Variants in PVT1 observed in about 807,000 individuals in gnomAD.
The protein encoded by PVT1 is CXCR4/PVT1 fusion.
chr8:127,887,931 GTTTTTTTTTTT>G (rs560976785), intron 2 of PVT1, among the ~76,000 whole-genome samples: 10 of 66,588 alleles, frequency 1.5e-4, no homozygotes, highest in Admixed American at 5.4e-4. Context: ...ACTCTATCTT[GTTTTTTTTTTT>G]TTTTTTTTTT....
chr8:127,853,037 G>C (rs544893761), intron 2 of PVT1, among the ~76,000 whole-genome samples: 4 of 152,204 alleles, frequency 2.6e-5, no homozygotes, highest in Non-Finnish European at 5.9e-5. Context: ...GAAAGTCCCA[G>C]CTGGCATAAG....
chr8:127,857,516 T>TA (rs1302647866), intron 2 of PVT1, among the ~76,000 whole-genome samples: 4 of 151,766 alleles, frequency 2.6e-5, no homozygotes, highest in Admixed American at 2.6e-4. Flanking sequence ...CTACAAAAAA[T>TA]AAAAAATTAG....
At chr8:127,970,758 A>G (rs1586461177) in intron 3 of PVT1, among the ~76,000 whole-genome samples, 1 of 152,192 alleles carries the variant, frequency 6.6e-6, no homozygotes, top group African/African-American at 2.4e-5. Flanking sequence ...AACAAAAACT[A>G]AAGACCACCA....
intron 4 of PVT1, among the ~76,000 whole-genome samples, chr8:128,069,365 T>C (rs1813953294): frequency 6.6e-6 from 1 of 152,184 alleles, no homozygotes; most frequent in Admixed American, 6.5e-5. Context: ...ATATATTGAA[T>C]GTGTAAGGCC....
At chr8:127,970,303 T>TG (rs1816751014) in intron 3 of PVT1, among the ~76,000 whole-genome samples, 1 of 126,654 alleles carries the variant, frequency 7.9e-6, no homozygotes, top group African/African-American at 2.9e-5. Context: ...TTTTTTTTTT[T>TG]TTTTTTTTTT....
intron 2 of PVT1, among the ~76,000 whole-genome samples, chr8:127,885,513 A>G (rs952601350): frequency 6.6e-6 from 1 of 152,064 alleles, no homozygotes; most frequent in Non-Finnish European, 1.5e-5. Context: ...GGGTCTTTAT[A>G]TGGTGAAAGG....
chr8:127,964,862 T>C (rs1816687035), intron 3 of PVT1, among the ~76,000 whole-genome samples: 1 of 152,200 alleles, frequency 6.6e-6, no homozygotes. Context: ...GGTTTTACCA[T>C]GTTCCCCTTG....
intron 4 of PVT1, among the ~76,000 whole-genome samples, chr8:127,990,826 G>A (rs531430867): frequency 6.6e-6 from 1 of 152,330 alleles, no homozygotes; most frequent in Non-Finnish European, 1.5e-5. Context: ...GGCACACATA[G>A]GATACTACAT....
chr8:127,964,685 C>T (rs772160652), intron 3 of PVT1, among the ~76,000 whole-genome samples: 2 of 152,092 alleles, frequency 1.3e-5, no homozygotes, highest in African/African-American at 2.4e-5. Context: ...GGATGTTGCT[C>T]GGCTTGTGGC....
At position 127,991,346 on chromosome 8, in the gene PVT1, G is replaced by C. The variant is rs187463142; in HGVS notation, n.912+2055G>C. Among the ~76,000 whole-genome samples, 600 of 151,958 alleles carry C rather than the reference G, an allele frequency of 3.9e-3. 2 individuals are homozygous for C. Among genetic ancestry groups the C allele is most frequent in the South Asian group, 9.4e-3 (45 of 4,808 alleles). ...TTTTTATTAGAGACGGGGTTTCACT[G>C]TGTTAGCCAGGATAGTCTTGATCTC... On this transcript the variant is annotated intron_variant and non_coding_transcript_variant, in intron 4 of 10. Transcript: ENST00000651587.
rs190672120 is a variant in PVT1 at position 127,870,210 on chromosome 8, G to A, written n.373-20379G>A. On this transcript the variant is annotated intron_variant and non_coding_transcript_variant, in intron 2 of 10. Transcript: ENST00000651587. ...CCTCAGAGGAGAAGAGAGGGACATA[G>A]GAAAGAAGGATTTGTAGAGATACAG... 5.0e-3 allele frequency among the ~76,000 whole-genome samples: 757 copies of A among 152,344 alleles called. 6 individuals carry two copies. Among genetic ancestry groups the A allele is most frequent in the African/African-American group, 0.017 (727 of 41,572 alleles).
intron 4 of PVT1, among the ~76,000 whole-genome samples, chr8:128,068,411 G>C (rs7833298): frequency 0.33 from 50,494 of 151,930 alleles, 8,973 homozygotes; most frequent in Middle Eastern, 0.42. Flanking sequence ...GGGTCCCTGG[G>C]AGTCACAGTG....
chr8:127,872,240 C>A (rs1240570793), intron 2 of PVT1, among the ~76,000 whole-genome samples: 1 of 152,122 alleles, frequency 6.6e-6, no homozygotes, highest in Non-Finnish European at 1.5e-5. Flanking sequence ...ATGGTGAAAC[C>A]TTATCTCCAC....
intron 4 of PVT1, among the ~76,000 whole-genome samples, chr8:128,012,501 C>T (rs919472570): frequency 7.2e-5 from 11 of 152,154 alleles, no homozygotes; most frequent in Admixed American, 2.0e-4. Context: ...GTTTTCAACT[C>T]TTCTTGGGCA....
At chr8:127,941,788 G>T (rs1345543251) in intron 3 of PVT1, among the ~76,000 whole-genome samples, 1 of 152,160 alleles carries the variant, frequency 6.6e-6, no homozygotes, top group African/African-American at 2.4e-5. Flanking sequence ...TCCTGCTCTG[G>T]TGCCAGTGTC....
intron 2 of PVT1, among the ~76,000 whole-genome samples, chr8:127,845,489 T>C (rs949086726): frequency 2.6e-5 from 4 of 151,914 alleles, no homozygotes; most frequent in African/African-American, 9.7e-5. Context: ...TTTGAAGCAT[T>C]TGAAAGCCTA....
chr8:128,073,872 A>C (rs1431553730), intron 5 of PVT1, among the ~76,000 whole-genome samples: 1 of 151,926 alleles, frequency 6.6e-6, no homozygotes, highest in Admixed American at 6.6e-5. Context: ...ACAGCTGATA[A>C]GTAGCAAAGA....
intron 5 of PVT1, among the ~76,000 whole-genome samples, chr8:128,087,392 G>A (rs994771480): frequency 2.8e-4 from 42 of 152,086 alleles, no homozygotes; most frequent in African/African-American, 9.9e-4. Context: ...CTAGTTTGCC[G>A]GAAAATGATG....
intron 3 of PVT1, chr8:127,932,720 C>G (rs1386423170): frequency 2.6e-6 from 1 of 382,404 alleles, no homozygotes; most frequent in South Asian, 1.5e-4. Context: ...ATATTTCTAT[C>G]TTATAATACA....
Sources: allele counts gnomAD v4.1 joint callset (sites outside exome capture counted in the v4.1 genomes callset), GRCh38; gene constraint gnomAD v4.1.1; transcripts MANE v1.5; gene names NCBI Gene and HGNC (gene_info 2026-07-23, HGNC 2026-07-21).